Variants in MPHOSPH9 observed in about 807,000 individuals in gnomAD.
The protein encoded by MPHOSPH9 is M-phase phosphoprotein 9.
In MPHOSPH9, 88 loss-of-function variants were observed where a neutral mutation model predicts 145.5. The observed-to-expected ratio is 0.60, with a 90% CI of 0.51 to 0.72. MPHOSPH9 has a LOEUF of 0.72. Among genes scored for constraint, MPHOSPH9 ranks in the 30% least tolerant of loss-of-function variants. MPHOSPH9 has a pLI of 0.00. For missense variants in MPHOSPH9, 1,238 were observed against 1,386.6 expected (o/e 0.89, Z 1.70); for synonymous variants, 435 against 486.2 (o/e 0.89, Z 1.39).
At position 123,166,788 on chromosome 12, in the gene MPHOSPH9, T is replaced by C. The variant is rs1489845920; in HGVS notation, c.2458A>G (p.Thr820Ala). Residue 820 changes from threonine (T) to alanine (A), a missense_variant and splice_region_variant, in exon 17 of 24, where the codon ACA becomes GCA. Thr to Ala is a moderately conservative substitution (Grantham distance 58, BLOSUM62 0). Coordinates refer to ENST00000606320, the MANE Select transcript of MPHOSPH9 (RefSeq NM_022782.4). ...CTGCTGACGTCTGAAGTTGCTAGTGTGCTATTAGAATGAAAACGGTCAGGC... is the reference window on the plus strand; with the variant it reads ...CTGCTGACGTCTGAAGTTGCTAGTGCGCTATTAGAATGAAAACGGTCAGGC... ...RIHVRPSRAN[T>A]LATSDVSRRK... is the part of the protein sequence containing the mutation. 1 of 1,611,352 alleles carries C rather than the reference T, an allele frequency of 6.2e-7. No homozygotes were observed.
chr12:123,186,451 A>G (rs1240223946), intron 13 of MPHOSPH9, among the ~76,000 whole-genome samples: 1 of 152,188 alleles, frequency 6.6e-6, no homozygotes, highest in Non-Finnish European at 1.5e-5. Flanking sequence ...TTTTCATTGT[A>G]TCATTCTTAC....
rs557372285 is a variant in MPHOSPH9, at chr12:123,202,731, G to A, written c.1674C>T (p.Val558=). ...SVNTVDEENT[V]MVASASVSQS... ...GACTGACTGAGGCCGAAGCAACCATGACAGTGTTTTCTTCATCTACAGTGT... is the reference window on the plus strand; with the variant it reads ...GACTGACTGAGGCCGAAGCAACCATAACAGTGTTTTCTTCATCTACAGTGT... The change falls in exon 10 of 24, where the codon GTC becomes GTT. Residue 558 remains valine, a synonymous_variant. Coordinates refer to ENST00000606320, the MANE Select transcript of MPHOSPH9 (RefSeq NM_022782.4). 4 of 1,614,160 alleles carry A rather than the reference G, an allele frequency of 2.5e-6. No homozygotes were observed. Among genetic ancestry groups the A allele is most frequent in the East Asian group, 4.5e-5 (2 of 44,888 alleles).
chr12:123,216,609 G>C (rs2046972081), intron 6 of MPHOSPH9, among the ~76,000 whole-genome samples: 1 of 152,110 alleles, frequency 6.6e-6, no homozygotes, highest in Non-Finnish European at 1.5e-5. Flanking sequence ...TCAGCATTTG[G>C]GGAGGCCAAG....
chr12:123,178,169 G>A (rs2044967451), intron 15 of MPHOSPH9, among the ~76,000 whole-genome samples: 1 of 152,174 alleles, frequency 6.6e-6, no homozygotes, highest in Non-Finnish European at 1.5e-5. Flanking sequence ...AGTCTCCCAA[G>A]CAGCTGGGAG....
chr12:123,229,122 AGTAAT>A (rs2047540094), intron 2 of MPHOSPH9, among the ~76,000 whole-genome samples: 1 of 152,230 alleles, frequency 6.6e-6, no homozygotes, highest in African/African-American at 2.4e-5. Context: ...CAACTTTTAA[AGTAAT>A]GTATTTATTT....
chr12:123,160,881 T>C lies in MPHOSPH9; in HGVS notation c.3382-32A>G, dbSNP rs750602760. The C allele has an allele frequency of 2.5e-6, 4 of 1,603,178 alleles. No homozygotes were observed. The Admixed American group carries it at 6.7e-5, about 27-fold the overall frequency. ...ACACACGAAAAAAATATGTTTAAAT[T>C]ACTGGCAGGGAGGTTTATCACACAG... On this transcript the variant is annotated intron_variant, in intron 22 of 23. Coordinates refer to ENST00000606320, the MANE Select transcript of MPHOSPH9 (RefSeq NM_022782.4).
intron 11 of MPHOSPH9, among the ~76,000 whole-genome samples, chr12:123,200,002 A>C (rs2046150571): frequency 6.6e-6 from 1 of 152,150 alleles, no homozygotes; most frequent in South Asian, 2.1e-4. Context: ...TTCTTGAAAA[A>C]AAATCACTCA....
chr12:123,206,437 C>T (rs1207886691), intron 8 of MPHOSPH9, among the ~76,000 whole-genome samples: 1 of 148,914 alleles, frequency 6.7e-6, no homozygotes, highest in Non-Finnish European at 1.5e-5. Flanking sequence ...ACTCCAGCCT[C>T]GGCAACAGAG....
rs981125817 is a variant in MPHOSPH9 at position 123,159,069 on chromosome 12, G to A, written c.3450+1712C>T. Reference sequence around the variant, plus strand: ...TTGCGTCACTGCGCTCCAGCCTGGTGACACAGCGAGACTCCGTCTCCAAAC... The same window carrying A: ...TTGCGTCACTGCGCTCCAGCCTGGTAACACAGCGAGACTCCGTCTCCAAAC... On this transcript the variant is annotated intron_variant, in intron 23 of 23. Transcript: ENST00000606320. This position sits in a 1 kb window ranked among gnomAD's most constrained non-coding sequence, Gnocchi z 4.3. Among the ~76,000 whole-genome samples the A allele has an allele frequency of 2.6e-5, 4 of 152,192 alleles. No homozygotes were observed. Among genetic ancestry groups the A allele is most frequent in the Non-Finnish European group, 4.4e-5 (3 of 68,022 alleles).
intron 16 of MPHOSPH9, among the ~76,000 whole-genome samples, chr12:123,171,369 G>A (rs545290617): frequency 2.6e-5 from 4 of 152,164 alleles, no homozygotes; most frequent in South Asian, 4.1e-4. Flanking sequence ...TGGGAGAATC[G>A]TTGAACTTGG....
rs1231957333 is a variant in MPHOSPH9, at chr12:123,198,269, T to C, written c.2003A>G (p.Asn668Ser). 2 of 1,611,244 alleles carry C rather than the reference T, an allele frequency of 1.2e-6. No homozygotes were observed. The highest frequency in any genetic ancestry group is 1.7e-5 in the Admixed American group (1 of 59,732). Residue 668 changes from asparagine (N) to serine (S), a missense_variant, in exon 12 of 24, where the codon AAT becomes AGT. Physicochemically the swap from Asn to Ser is conservative, Grantham distance 46. Around this residue, in one of 3 missense-constraint regions of MPHOSPH9, gnomAD observed 837 missense variants for 897.5 expected, o/e 0.93. Transcript: ENST00000606320. ...TSRVRTLENK[N>S]NLLEIEVNDL... ...TACCACTTCAATTTCCAGTAAGTTA[T>C]TCTTATTTTCAAGTGTTCTCACGCG...
intron 13 of MPHOSPH9, among the ~76,000 whole-genome samples, chr12:123,183,899 A>G (rs2045317499): frequency 6.6e-6 from 1 of 152,180 alleles, no homozygotes; most frequent in African/African-American, 2.4e-5. Context: ...CAGAGGATAA[A>G]GAGAAAATGA....
intron 21 of MPHOSPH9, 49 bp from the exon 22 acceptor site, chr12:123,161,432 T>C: frequency 6.3e-7 from 1 of 1,594,172 alleles, no homozygotes; most frequent in Non-Finnish European, 8.6e-7. Flanking sequence ...ATTTTTCGTG[T>C]AGGTTGCATA....
intron 6 of MPHOSPH9, among the ~76,000 whole-genome samples, chr12:123,217,195 A>C (rs931237927): frequency 6.6e-6 from 1 of 151,952 alleles, no homozygotes; most frequent in Non-Finnish European, 1.5e-5. Context: ...AGAACTGTTC[A>C]AATTTCAACC....
rs2044008378 is a variant in MPHOSPH9, at chr12:123,159,368, T to C, written c.3450+1413A>G. Among the ~76,000 whole-genome samples, 1 of 152,262 alleles carries C rather than the reference T, an allele frequency of 6.6e-6. No homozygotes were observed. The highest frequency in any genetic ancestry group is 2.4e-5 in the African/African-American group (1 of 41,578). On this transcript the variant is annotated intron_variant, in intron 23 of 23. Transcript: ENST00000606320. The surrounding 1 kb of genome is among the most constrained non-coding windows in gnomAD (Gnocchi z 4.3). ...TTAGTAGAGATGGGGTTTTGCCATG[T>C]TGGCCAGGCTGGTCTTGAACTCCTG... is the stretch of plus-strand genomic sequence containing the variant.
At position 123,202,701 on chromosome 12, in the gene MPHOSPH9, GGACT is replaced by G. The variant is rs2046274568; in HGVS notation, c.1700_1703del (p.Gln567ProfsTer16). ...CACTGTTGGCTGTACCTGGAAGCTG[GGACT>G]GACTGACTGAGGCCGAAGCAACCAT... On this transcript the variant is annotated frameshift_variant, in exon 10 of 24. Transcript: ENST00000606320. LOFTEE classifies it high-confidence loss of function. The G allele has an allele frequency of 6.2e-7, 1 of 1,613,990 alleles. No individual in the cohort carries two copies. Among genetic ancestry groups the G allele is most frequent in the Non-Finnish European group, 8.5e-7 (1 of 1,180,032 alleles).
chr12:123,177,011 G>A (rs182225442), intron 15 of MPHOSPH9, among the ~76,000 whole-genome samples: 1 of 152,010 alleles, frequency 6.6e-6, no homozygotes, highest in Non-Finnish European at 1.5e-5. Context: ...TCAATATGGT[G>A]AAACCCTGTC....
intron 11 of MPHOSPH9, among the ~76,000 whole-genome samples, chr12:123,199,532 G>A (rs1436997110): frequency 6.6e-6 from 1 of 152,080 alleles, no homozygotes; most frequent in Non-Finnish European, 1.5e-5. Flanking sequence ...TGTAATCCCA[G>A]CACTTTGAGA....
Position 123,218,392 on chromosome 12 carries a change from T to G in MPHOSPH9, c.980A>C (p.Lys327Thr), listed in dbSNP as rs753810712. Residue 327 changes from lysine (K) to threonine (T), a missense_variant, in exon 6 of 24, where the codon AAG becomes ACG. Lys to Thr is a moderately conservative substitution (Grantham distance 78). This residue lies in a region of MPHOSPH9 where 837 missense variants were observed against 897.5 expected (regional missense o/e 0.93). Transcript: ENST00000606320. ...GTCACCTACTTTCTCAATTGGTGTCTTCTTACTTTGCTCATTTCCTTGTTT... is the reference window on the plus strand; with the variant it reads ...GTCACCTACTTTCTCAATTGGTGTCGTCTTACTTTGCTCATTTCCTTGTTT... The part of the protein sequence containing the change: ...RSKQGNEQSK[K>T]TPIEKSDFAA... 31 of 1,614,128 alleles carry G rather than the reference T, an allele frequency of 1.9e-5. No individual in the cohort carries two copies. The highest frequency in any genetic ancestry group is 2.5e-5 in the Non-Finnish European group (30 of 1,179,960).
Sources: gnomAD v4.1 joint callset for allele counts (sites outside exome capture counted in the v4.1 genomes callset) on GRCh38, gnomAD v4.1.1 for gene constraint, gnomAD v4.1.1 regional missense constraint, Gnocchi (gnomAD v3.1) non-coding constraint, MANE v1.5 for transcripts, NCBI Gene and HGNC (gene_info 2026-07-23, HGNC 2026-07-21) for gene names.